DDX6: variants seen among roughly 807,000 people sequenced by gnomAD.
The protein encoded by DDX6 is probable ATP-dependent RNA helicase DDX6.
A neutral mutation model predicts 60.6 loss-of-function variants in DDX6; 7 were observed. The ratio of observed to expected loss-of-function variants is 0.12; its 90% confidence interval spans 0.07 to 0.22. DDX6 has a LOEUF of 0.22. Ranked by LOEUF, DDX6 falls within the 10% of genes least tolerant of loss-of-function variation. DDX6 has a pLI of 1.00. For synonymous variants in DDX6, 207 were observed against 201.0 expected (o/e 1.03, Z -0.25); for missense variants, 270 against 589.9 (o/e 0.46, Z 5.62).
At position 118,782,839 on chromosome 11, in the gene DDX6, T is replaced by G. The variant is rs1861944438; in HGVS notation, c.201-1655A>C. On this transcript the variant is annotated intron_variant, in intron 2 of 13. Transcript: ENST00000534980. ...TTTGTATTTTTAGTAGAGACGGGGA[T>G]TCAGCTGGTCTCAAACTCCTGACCT... 2.6e-5 allele frequency among the ~76,000 whole-genome samples: 4 copies of G among 152,078 alleles called. No individual in the cohort carries two copies. In the South Asian group the frequency reaches 6.2e-4, roughly 24 times the overall value.
intron 10 of DDX6, 78 bp from the exon 11 acceptor site, chr11:118,756,401 G>C (rs1056331171): frequency 8.6e-7 from 1 of 1,159,794 alleles, no homozygotes; most frequent in Non-Finnish European, 1.3e-6. Flanking sequence ...TCTCCCAGAC[G>C]ATCAGTTCTA....
chr11:118,752,701 A>C (rs1342887293), intron 13 of DDX6, among the ~76,000 whole-genome samples: 2 of 152,324 alleles, frequency 1.3e-5, no homozygotes, highest in East Asian at 3.9e-4. Context: ...TCCTTTGTCA[A>C]ATCAGATTTT....
At position 118,759,993 on chromosome 11, in the gene DDX6, G is replaced by A. The variant is rs1861110121; in HGVS notation, c.793C>T (p.Leu265Phe). Residue 265 changes from leucine (L) to phenylalanine (F), a missense_variant, in exon 8 of 14, where the codon CTC (leucine) becomes TTC (phenylalanine). Physicochemically the swap from Leu to Phe is conservative, Grantham distance 22 (BLOSUM62 0). Around this residue, in one of 8 missense-constraint regions of DDX6, gnomAD observed 69 missense variants for 208.2 expected, o/e 0.33. Transcript: ENST00000534980. ...DFVQIMEDII[L>F]TLPKNRQILL... The stretch of plus-strand genomic sequence containing the variant: ...ATCTGCCTGTTTTTAGGTAGCGTGA[G>A]AATAATATCCTCCATTATCTGCACA... 2 of 1,613,432 alleles carry A rather than the reference G, an allele frequency of 1.2e-6. No individual in the cohort carries two copies. Among genetic ancestry groups the A allele is most frequent in the African/African-American group, 1.3e-5 (1 of 74,900 alleles).
chr11:118,779,805 AT>A, intron 3 of DDX6, 69 bp from the exon 4 acceptor site: 1 of 1,222,354 alleles, frequency 8.2e-7, no homozygotes, highest in Non-Finnish European at 1.2e-6. Context: ...CCTTTGGTAA[AT>A]TTATCTGTGT....
Position 118,759,061 on chromosome 11 carries a change from T to A in DDX6, c.865-159A>T, listed in dbSNP as rs575253652. The A allele has an allele frequency of 7.2e-6, 7 of 971,578 alleles. No homozygotes were observed. In the African/African-American group the frequency reaches 8.3e-5, roughly 12 times the overall value. The allele number at this position is 971,578 out of a possible 1,614,324, so 60.2% of individuals were successfully genotyped here. A position where few individuals can be genotyped will look rare whatever the true frequency, so the allele number is the denominator to read the frequency against. ...AATATATGATCTGTCATTACAGAATTTCCCCCCTGCCACCCTGAGACAAAA... is the reference window on the plus strand; with the variant it reads ...AATATATGATCTGTCATTACAGAATATCCCCCCTGCCACCCTGAGACAAAA... On this transcript the variant is annotated intron_variant, in intron 8 of 13. Transcript: ENST00000534980.
intron 6 of DDX6, among the ~76,000 whole-genome samples, chr11:118,763,634 G>C (rs1861248391): frequency 6.6e-6 from 1 of 152,024 alleles, no homozygotes; most frequent in Non-Finnish European, 1.5e-5. Context: ...AGGAGTTCGA[G>C]ACCAGCCTGG....
chr11:118,773,295 C>T (rs1289089791), intron 4 of DDX6, among the ~76,000 whole-genome samples: 1 of 152,108 alleles, frequency 6.6e-6, no homozygotes, highest in Non-Finnish European at 1.5e-5. Context: ...AAAGGCCGGG[C>T]GCGGTGGCTC....
intron 4 of DDX6, among the ~76,000 whole-genome samples, chr11:118,774,880 C>G (rs1861647830): frequency 6.6e-6 from 1 of 151,980 alleles, no homozygotes. Context: ...AGAAGAGATA[C>G]TTTTAGGAAT....
rs1860644636 is a variant in DDX6, at chr11:118,748,717, G to A, written c.*3388C>T. The A allele has an allele frequency of 6.6e-6, 1 of 151,322 alleles. No individual in the cohort carries two copies. The highest frequency in any genetic ancestry group is 1.5e-5 in the Non-Finnish European group (1 of 67,884). The allele number at this position is 151,322 out of a possible 1,614,324, so 9.4% of individuals were successfully genotyped here. A position where few individuals can be genotyped will look rare whatever the true frequency, so the allele number is the denominator to read the frequency against. On this transcript the variant is annotated 3_prime_UTR_variant, in exon 14 of 14. Transcript: ENST00000534980. The stretch of plus-strand genomic sequence containing the variant: ...CTTAGTGCAGACACCCTCCCTTCTG[G>A]GGCAAAGTACCCTCCCTCCCACCCC...
intron 2 of DDX6, among the ~76,000 whole-genome samples, chr11:118,784,888 G>A (rs1190598039): frequency 1.3e-5 from 2 of 151,968 alleles, no homozygotes; most frequent in Non-Finnish European, 2.9e-5. Context: ...GTAGCATTAT[G>A]GGCATGTGCC....
In DDX6 at chr11:118,765,310, T is replaced by A; in HGVS notation, c.545A>T (p.Gln182Leu). The part of the protein sequence containing the change: ...PTRELALQVS[Q>L]ICIQVSKHMG... Reference sequence around the variant, plus strand: ...GTGTTTGCTGACCTGGATGCAAATTTGACTGACCTGTAGAGCAAGTTCTCT... The same window carrying A: ...GTGTTTGCTGACCTGGATGCAAATTAGACTGACCTGTAGAGCAAGTTCTCT... The change falls in exon 6 of 14, where the codon CAA becomes CTA. Residue 182 changes from glutamine (Q) to leucine (L), a missense_variant. Physicochemically the swap from Gln to Leu is moderately radical, Grantham distance 113 (BLOSUM62 -2). Transcript: ENST00000534980. 1 of 1,613,914 alleles carries A rather than the reference T, an allele frequency of 6.2e-7. No individual in the cohort carries two copies.
Position 118,769,109 on chromosome 11 carries a change from T to C in DDX6, c.370-757A>G, listed in dbSNP as rs1861450948. 2.0e-5 allele frequency among the ~76,000 whole-genome samples: 3 copies of C among 146,720 alleles called. No individual in the cohort carries two copies. In the Admixed American group the frequency reaches 2.1e-4, roughly 10 times the overall value. ...GAGTTTGAGAACAGCTTAGGCAAAA[T>C]GGTGAGACCCCATCTCTACAAAAAT... On this transcript the variant is annotated intron_variant, in intron 4 of 13. Transcript: ENST00000534980.
rs782527559 is a variant in DDX6 at position 118,768,296 on chromosome 11, A to G, written c.426T>C (p.Asn142=). ...SGRDILARAK[N]GTGKSGAYLI... ...GGTAGGCACCGCTCTTGCCTGTTCC[A>G]TTTTTTGCTCTAGCTAAGATATCCC... The change falls in exon 5 of 14, where the codon AAT becomes AAC. Residue 142 remains asparagine, a synonymous_variant. Coordinates refer to ENST00000534980, the MANE Select transcript of DDX6 (RefSeq NM_004397.6). The G allele has an allele frequency of 6.2e-6, 10 of 1,613,428 alleles. No individual in the cohort carries two copies. Among genetic ancestry groups the G allele is most frequent in the South Asian group, 1.1e-5 (1 of 91,050 alleles).
intron 7 of DDX6, 149 bp from the exon 8 acceptor site, chr11:118,760,193 G>C: frequency 2.6e-6 from 2 of 780,408 alleles, no homozygotes; most frequent in East Asian, 2.9e-5. Context: ...CAACACTGCA[G>C]AGAGTCAAAT....
At chr11:118,775,035 C>A (rs782029678) in intron 4 of DDX6, among the ~76,000 whole-genome samples, 1 of 152,144 alleles carries the variant, frequency 6.6e-6, no homozygotes, top group Non-Finnish European at 1.5e-5. Context: ...ATTTACTTGG[C>A]CAGGCGTGGT....
chr11:118,780,226 T>G (rs1861849699), intron 3 of DDX6, among the ~76,000 whole-genome samples: 1 of 151,998 alleles, frequency 6.6e-6, no homozygotes, highest in Admixed American at 6.6e-5. Context: ...TAATCTGTAT[T>G]TCAACTTTTC....
chr11:118,784,537 C>CA (rs1165985050), intron 2 of DDX6, among the ~76,000 whole-genome samples: 2 of 151,510 alleles, frequency 1.3e-5, no homozygotes, highest in African/African-American at 4.9e-5. Context: ...TGGCTCTCTG[C>CA]AACCTCCACC....
chr11:118,755,216 ATTTT>A (rs1860925398), intron 12 of DDX6, among the ~76,000 whole-genome samples, 182 bp downstream of exon 12: 1 of 152,234 alleles, frequency 6.6e-6, no homozygotes, highest in Admixed American at 6.5e-5. Context: ...TTAAGCAGTT[ATTTT>A]AACTTTTCTT....
At position 118,755,501 on chromosome 11, in the gene DDX6, G is replaced by T; in HGVS notation, c.1177C>A (p.Leu393Met). 2.0e-6 allele frequency: 3 copies of T among 1,532,474 alleles called. No individual in the cohort carries two copies. Among genetic ancestry groups the T allele is most frequent in the Non-Finnish European group, 1.8e-6 (2 of 1,115,176 alleles). The allele number at this position is 1,532,474 out of a possible 1,614,324, so 94.9% of individuals were successfully genotyped here. Residue 393 changes from leucine to methionine, a missense_variant and splice_region_variant, in exon 12 of 14, where the codon CTG (leucine) becomes ATG (methionine). Physicochemically the swap from Leu to Met is conservative, Grantham distance 15. Around this residue, in one of 8 missense-constraint regions of DDX6, gnomAD observed 69 missense variants for 208.2 expected, o/e 0.33. Transcript: ENST00000534980. ...TGTATATCAATACCTCGGGTAAACAGATCTTAAAAAAAAAAAGATAATTTT... is the reference window on the plus strand; with the variant it reads ...TGTATATCAATACCTCGGGTAAACATATCTTAAAAAAAAAAAGATAATTTT... ...GLCRNLVCTD[L>M]FTRGIDIQAV...
Sources: gnomAD v4.1 joint callset for allele counts (sites outside exome capture counted in the v4.1 genomes callset) on GRCh38, gnomAD v4.1.1 for gene constraint, gnomAD v4.1.1 regional missense constraint, MANE v1.5 for transcripts, NCBI Gene and HGNC (gene_info 2026-07-23, HGNC 2026-07-21) for gene names.